NPC1: variants seen among roughly 807,000 people sequenced by gnomAD.
NPC1 encodes the protein NPC intracellular cholesterol transporter 1.
NPC1 carries 85 observed loss-of-function variants against 140.4 expected under a neutral mutation model. The ratio of observed to expected loss-of-function variants is 0.61; its 90% confidence interval spans 0.51 to 0.72. NPC1 has a LOEUF of 0.72. NPC1 is among the 30% of genes least tolerant of loss of function. The probability of loss-of-function intolerance (pLI) is 0.00; values close to 1 mark genes in which losing one functional copy is unlikely to be tolerated. For synonymous variants in NPC1, 656 were observed against 624.8 expected (o/e 1.05, Z -0.74); for missense variants, 1,504 against 1,623.8 (o/e 0.93, Z 1.27).
At chr18:23,577,029 G>C (rs1292547809) in intron 1 of NPC1, 1 of 152,240 alleles carries the variant, frequency 6.6e-6, no homozygotes, top group African/African-American at 2.4e-5. Context: ...CGAGTGGCCT[G>C]TTTTGTCAGG....
chr18:23,551,101 C>A (rs574907536), intron 10 of NPC1, among the ~76,000 whole-genome samples: 35 of 152,284 alleles, frequency 2.3e-4, no homozygotes, highest in Non-Finnish European at 3.8e-4. Context: ...TTGTCAAGTA[C>A]AATTGGTTCT....
intron 11 of NPC1, among the ~76,000 whole-genome samples, chr18:23,546,248 CAAAAAAA>C (rs60021403): frequency 1.3e-4 from 6 of 45,550 alleles, no homozygotes; most frequent in Non-Finnish European, 1.7e-4. Context: ...GACTCTGTCT[CAAAAAAA>C]AAAAAAAAAA....
intron 4 of NPC1, among the ~76,000 whole-genome samples, chr18:23,563,987 G>GTTTTTTTTTTTTTTTT (rs71163619): frequency 9.7e-6 from 1 of 102,600 alleles, no homozygotes; most frequent in Non-Finnish European, 1.8e-5. Flanking sequence ...AGTAGTAAGA[G>GTTTTTTTTTTTTTTTT]TTTTTTTTTT....
In NPC1 at chr18:23,535,523, A is replaced by G; in HGVS notation, c.3423T>C (p.Val1141=). 6.2e-7 allele frequency: 1 copy of G among 1,614,080 alleles called. No individual in the cohort carries two copies. The highest frequency in any genetic ancestry group is 1.1e-5 in the South Asian group (1 of 91,066). Reference sequence around the variant, plus strand: ...TCAGACTGATGCCCCAGAGCCACATAACTCCAAACATGTTGACCAAGACCA... The same window carrying G: ...TCAGACTGATGCCCCAGAGCCACATGACTCCAAACATGTTGACCAAGACCA... The part of the protein sequence containing the change: ...IAMVLVNMFG[V]MWLWGISLNA... Residue 1141 remains valine, a synonymous_variant, in exon 22 of 25, where the codon GTT becomes GTC. Transcript: ENST00000269228.
chr18:23,544,205 C>A, intron 13 of NPC1, 139 bp downstream of exon 13: 1 of 822,204 alleles, frequency 1.2e-6, no homozygotes, highest in Non-Finnish European at 2.0e-6. Flanking sequence ...CACAGCAAGT[C>A]AAGACGACCG....
chr18:23,560,088 G>T, intron 6 of NPC1, 143 bp downstream of exon 6: 1 of 969,748 alleles, frequency 1.0e-6, no homozygotes, highest in Non-Finnish European at 1.6e-6. Flanking sequence ...TAGAATAGCT[G>T]TAGGACACAA....
In NPC1 at chr18:23,559,492, CTTTT is replaced by C. The variant is rs57612444; in HGVS notation, c.881+735_881+738del. ...TCTGATTTCGCTCATTTGACTCTGA[CTTTT>C]TTTTTTTTTTTTTTTTTTTTGGTGA... On this transcript the variant is annotated intron_variant, in intron 6 of 24. Transcript: ENST00000269228. Among the ~76,000 whole-genome samples the C allele has an allele frequency of 8.6e-5, 7 of 81,468 alleles. No individual in the cohort carries two copies. In the East Asian group the frequency reaches 9.5e-4, roughly 11 times the overall value. 53.4% of individuals were successfully genotyped at this position (81,468 alleles called of 152,430 possible). A position where few individuals can be genotyped will look rare whatever the true frequency, so the allele number is the denominator to read the frequency against.
Position 23,556,580 on chromosome 18 carries a change from G to T in NPC1, c.989C>A (p.Ala330Glu). The change falls in exon 8 of 25, where the codon GCA becomes GAA. Residue 330 changes from alanine (A) to glutamate (E), a missense_variant. Coordinates refer to ENST00000269228, the MANE Select transcript of NPC1 (RefSeq NM_000271.5). ...EASCCDPVSA[A>E]FEGCLRRLFT... is the part of the protein sequence containing the mutation. ...CAGCCGCCTCAAGCAGCCCTCAAAT[G>T]CTGCGCTGACAGGGTCACAGCAGGA... The T allele has an allele frequency of 6.2e-7, 1 of 1,614,148 alleles. No individual in the cohort carries two copies. Among genetic ancestry groups the T allele is most frequent in the Non-Finnish European group, 8.5e-7 (1 of 1,180,016 alleles).
intron 13 of NPC1, 23 bp from the exon 14 acceptor site, chr18:23,543,592 T>C: frequency 8.8e-7 from 1 of 1,135,486 alleles, no homozygotes; most frequent in Non-Finnish European, 1.3e-6. Context: ...AAAAAAAAAT[T>C]ATGCGACATT....
intron 4 of NPC1, among the ~76,000 whole-genome samples, 172 bp downstream of exon 4, chr18:23,568,651 A>G (rs943738883): frequency 6.6e-6 from 1 of 152,200 alleles, no homozygotes; most frequent in African/African-American, 2.4e-5. Flanking sequence ...GGAGATTTTT[A>G]TATTCGTTGC....
At chr18:23,535,798 G>A (rs775427385) in intron 21 of NPC1, 98 bp from the exon 22 acceptor site, 13 of 826,174 alleles carry the variant, frequency 1.6e-5, no homozygotes, top group Non-Finnish European at 2.5e-5. Flanking sequence ...ACTCCTTTGG[G>A]AAACATCCCT....
rs551459472 is a variant in NPC1, at chr18:23,577,827, G to A, written c.58-4253C>T. Among the ~76,000 whole-genome samples the A allele has an allele frequency of 2.2e-4, 33 of 152,374 alleles. No individual in the cohort carries two copies. In the East Asian group the frequency reaches 4.4e-3, roughly 20 times the overall value. ...AAATCGAGCGCAGCGCCGGTGGGCC[G>A]GCACTGCTGGGGGGACCCAGTACAC... On this transcript the variant is annotated intron_variant, in intron 1 of 24. Coordinates refer to ENST00000269228, the MANE Select transcript of NPC1 (RefSeq NM_000271.5).
In NPC1 at chr18:23,547,999, G is replaced by A. The variant is rs1333955600; in HGVS notation, c.1757+7C>T. 6 of 1,490,252 alleles carry A rather than the reference G, an allele frequency of 4.0e-6. No homozygotes were observed. The Middle Eastern group carries it at 5.1e-4, about 127-fold the overall frequency. 92.3% of individuals were successfully genotyped at this position (1,490,252 alleles called of 1,614,324 possible). ...GGACAGTCTGCTCACACCCATGAGT[G>A]ACTCACTCTTTTTCCCAGGCCTGGG... is the stretch of plus-strand genomic sequence containing the variant. On this transcript the variant is annotated splice_region_variant and intron_variant, in intron 11 of 24. Coordinates refer to ENST00000269228, the MANE Select transcript of NPC1 (RefSeq NM_000271.5).
At chr18:23,565,432 T>G (rs1028856609) in intron 4 of NPC1, among the ~76,000 whole-genome samples, 1 of 152,122 alleles carries the variant, frequency 6.6e-6, no homozygotes. Flanking sequence ...TTTCAGCTCC[T>G]GCAACCACCG....
chr18:23,516,250 T>G, intron 3 of NPC1: 3 of 1,538,606 alleles, frequency 1.9e-6, no homozygotes, highest in Non-Finnish European at 2.7e-6. Flanking sequence ...CTTGTTGGTT[T>G]TACACAGGGA....
Position 23,535,685 on chromosome 18 carries a change from G to C in NPC1, c.3261C>G (p.Phe1087Leu). The change falls in exon 22 of 25, where the codon TTC (phenylalanine) becomes TTG (leucine). Residue 1087 changes from phenylalanine to leucine, a missense_variant. Physicochemically the swap from Phe to Leu is conservative, Grantham distance 22. Coordinates refer to ENST00000269228, the MANE Select transcript of NPC1 (RefSeq NM_000271.5). ...RVFPYSVFYV[F>L]YEQYLTIIDD... ...CAATGATGGTCAGGTACTGTTCGTA[G>C]AAGACATAAAACACACTGGAGGGGA... The C allele has an allele frequency of 6.2e-7, 1 of 1,613,548 alleles. No individual in the cohort carries two copies. The highest frequency in any genetic ancestry group is 8.5e-7 in the Non-Finnish European group (1 of 1,179,492).
rs1169342005 is a variant in NPC1, at chr18:23,535,600, G to C, written c.3346C>G (p.Leu1116Val). ...GCAGACCAGAGCTCACAGCCCAGGAGGACCATGGTCACCAGAAATATCGCG... is the reference window on the plus strand; with the variant it reads ...GCAGACCAGAGCTCACAGCCCAGGACGACCATGGTCACCAGAAATATCGCG... ...LGAIFLVTMV[L>V]LGCELWSAVI... is the part of the protein sequence containing the mutation. The change falls in exon 22 of 25, where the codon CTC becomes GTC. Residue 1116 changes from leucine to valine, a missense_variant. Transcript: ENST00000269228. 1 of 1,614,144 alleles carries C rather than the reference G, an allele frequency of 6.2e-7. No homozygotes were observed.
At chr18:23,516,377 T>G in intron 3 of NPC1, 1 of 1,614,206 alleles carries the variant, frequency 6.2e-7, no homozygotes, top group Non-Finnish European at 8.5e-7. Context: ...TGCGCCTAAG[T>G]CAACTAAACC....
rs1225935999 is a variant in NPC1 at position 23,556,806 on chromosome 18, A to G, written c.956-193T>C. 10 of 842,932 alleles carry G rather than the reference A, an allele frequency of 1.2e-5. No individual in the cohort carries two copies. The Admixed American group carries it at 2.1e-4, about 17-fold the overall frequency. 52.2% of individuals were successfully genotyped at this position (842,932 alleles called of 1,614,324 possible). A position where few individuals can be genotyped will look rare whatever the true frequency, so the allele number is the denominator to read the frequency against. On this transcript the variant is annotated intron_variant, in intron 7 of 24. Coordinates refer to ENST00000269228, the MANE Select transcript of NPC1 (RefSeq NM_000271.5). Reference sequence around the variant, plus strand: ...TTGTTGGCTGCCCTCAATGAGCGCTATTCCCACCCCACAGAGGAGATGCCG... The same window carrying G: ...TTGTTGGCTGCCCTCAATGAGCGCTGTTCCCACCCCACAGAGGAGATGCCG...
Sources: allele counts gnomAD v4.1 joint callset (sites outside exome capture counted in the v4.1 genomes callset), GRCh38; gene constraint gnomAD v4.1.1; transcripts MANE v1.5; gene names NCBI Gene and HGNC (gene_info 2026-07-23, HGNC 2026-07-21).